EPHA6: variants seen among roughly 807,000 people sequenced by gnomAD.
The protein encoded by EPHA6 is ephrin type-A receptor 6.
A neutral mutation model predicts 112.0 loss-of-function variants in EPHA6; 50 were observed. The observed-to-expected ratio is 0.45, with a 90% confidence interval of 0.36 to 0.56. The LOEUF is 0.56. Ranked by LOEUF, EPHA6 falls within the 20% of genes least tolerant of loss-of-function variation. EPHA6 has a pLI of 0.00. For missense variants in EPHA6, 1,280 were observed against 1,417.4 expected (o/e 0.90, Z 1.56); for synonymous variants, 529 against 490.7 (o/e 1.08, Z -1.03).
intron 14 of EPHA6, among the ~76,000 whole-genome samples, chr3:97,701,580 C>T (rs1469018154): frequency 6.6e-6 from 1 of 151,556 alleles, no homozygotes; most frequent in Non-Finnish European, 1.5e-5. Context: ...GATAGTCTAA[C>T]ATATTTATCT....
chr3:96,829,949 G>GCGCGCGCGCGCGCACACACACA (rs373416797), intron 1 of EPHA6, among the ~76,000 whole-genome samples: 4 of 136,034 alleles, frequency 2.9e-5, no homozygotes, highest in African/African-American at 1.2e-4. Context: ...GCGCGCGCGC[G>GCGCGCGCGCGCGCACACACACA]CACACACACA....
intron 14 of EPHA6, among the ~76,000 whole-genome samples, chr3:97,708,749 A>C (rs929095944): frequency 1.3e-5 from 2 of 152,204 alleles, no homozygotes; most frequent in Non-Finnish European, 2.9e-5. Context: ...ACTGCTCTGT[A>C]CAGCCTGAGG....
intron 1 of EPHA6, among the ~76,000 whole-genome samples, chr3:96,825,414 A>T (rs2033583233): frequency 6.6e-6 from 1 of 151,878 alleles, no homozygotes; most frequent in Admixed American, 6.6e-5. Flanking sequence ...TGAACATAAA[A>T]TTGACAGTAC....
At chr3:97,620,667 C>T (rs1365500562) in intron 13 of EPHA6, among the ~76,000 whole-genome samples, 1 of 151,954 alleles carries the variant, frequency 6.6e-6, no homozygotes, top group African/African-American at 2.4e-5. Context: ...TGAAAAAACT[C>T]AGTATCACTG....
intron 6 of EPHA6, among the ~76,000 whole-genome samples, chr3:97,429,457 G>T (rs1216336675): frequency 1.1e-4 from 17 of 151,970 alleles, no homozygotes; most frequent in Admixed American, 1.1e-3. Context: ...TTTGAAGCAA[G>T]TACTCTAAGG....
chr3:97,670,539 G>A (rs1362571401), intron 14 of EPHA6, among the ~76,000 whole-genome samples: 1 of 152,116 alleles, frequency 6.6e-6, no homozygotes, highest in Admixed American at 6.5e-5. Flanking sequence ...TTATGCAATA[G>A]AACTAATGTT....
chr3:96,876,550 C>T (rs534520779), intron 2 of EPHA6, among the ~76,000 whole-genome samples: 1 of 152,046 alleles, frequency 6.6e-6, no homozygotes, highest in Admixed American at 6.6e-5. Context: ...ATGTCCATGT[C>T]ACTACTCTAC....
chr3:96,834,532 A>G (rs1298872359), intron 1 of EPHA6, among the ~76,000 whole-genome samples: 1 of 152,018 alleles, frequency 6.6e-6, no homozygotes, highest in Admixed American at 6.6e-5. Flanking sequence ...CTAAGGGTGG[A>G]TAGATAAAAG....
intron 10 of EPHA6, among the ~76,000 whole-genome samples, chr3:97,496,578 A>G (rs1479304108): frequency 6.6e-6 from 1 of 152,168 alleles, no homozygotes; most frequent in Non-Finnish European, 1.5e-5. Flanking sequence ...CCATACTTCT[A>G]TAAGAATATC....
intron 3 of EPHA6, among the ~76,000 whole-genome samples, chr3:97,098,994 T>A (rs2047327333): frequency 6.6e-6 from 1 of 151,896 alleles, no homozygotes; most frequent in South Asian, 2.1e-4. Context: ...CATGTAACAG[T>A]GTGGACAGAA....
Position 97,244,104 on chromosome 3 carries a change from G to A in EPHA6, c.1423G>A (p.Asp475Asn), listed in dbSNP as rs1468538725. ...TGGCTTAGACACCAGCCAGTGTGAG[G>A]ACTGTGGTGGAGGACTCCGCTTCAT... ...KCGLDTSQCE[D>N]CGGGLRFIPR... The change falls in exon 5 of 18, where the codon GAC becomes AAC. Residue 475 changes from aspartate (D) to asparagine (N), a missense_variant. This residue lies in a region of EPHA6 where 878 missense variants were observed against 999.7 expected (regional missense o/e 0.88). Transcript: ENST00000389672. 6.2e-7 allele frequency: 1 copy of A among 1,613,036 alleles called. No individual in the cohort carries two copies. Among genetic ancestry groups the A allele is most frequent in the South Asian group, 1.1e-5 (1 of 91,052 alleles).
chr3:96,917,011 T>C (rs2107617390), intron 2 of EPHA6, among the ~76,000 whole-genome samples: 1 of 152,284 alleles, frequency 6.6e-6, no homozygotes, highest in East Asian at 1.9e-4. Flanking sequence ...TAATTGCAGC[T>C]AAAGAATTTG....
At chr3:97,008,384 G>A (rs1170970691) in intron 3 of EPHA6, among the ~76,000 whole-genome samples, 4 of 151,962 alleles carry the variant, frequency 2.6e-5, no homozygotes, top group East Asian at 1.9e-4. Flanking sequence ...CCTTTCTTCC[G>A]CTGGGTCGAT....
intron 4 of EPHA6, among the ~76,000 whole-genome samples, chr3:97,239,038 AC>A (rs1559819692): frequency 6.6e-6 from 1 of 151,996 alleles, no homozygotes; most frequent in East Asian, 1.9e-4. Context: ...TTAATGCATA[AC>A]AAGTTTTGTT....
At chr3:96,941,417 A>G (rs2040937989) in intron 2 of EPHA6, among the ~76,000 whole-genome samples, 2 of 152,010 alleles carry the variant, frequency 1.3e-5, no homozygotes, top group African/African-American at 4.8e-5. Flanking sequence ...TGCATTCTTC[A>G]CGTAGTTCTC....
At chr3:96,911,733 T>G (rs1372574475) in intron 2 of EPHA6, among the ~76,000 whole-genome samples, 1 of 152,130 alleles carries the variant, frequency 6.6e-6, no homozygotes, top group African/African-American at 2.4e-5. Flanking sequence ...CTTTGTCATT[T>G]AAATTAATCT....
At chr3:97,563,221 C>T (rs1371491658) in intron 11 of EPHA6, among the ~76,000 whole-genome samples, 1 of 152,050 alleles carries the variant, frequency 6.6e-6, no homozygotes, top group Non-Finnish European at 1.5e-5. Context: ...AAGGTGAGGG[C>T]TGGAGACTAT....
chr3:96,895,823 T>C (rs1465084182), intron 2 of EPHA6, among the ~76,000 whole-genome samples: 1 of 152,184 alleles, frequency 6.6e-6, no homozygotes, highest in Non-Finnish European at 1.5e-5. Flanking sequence ...TACATGTCCA[T>C]CTTTCCTCCG....
chr3:97,026,796 G>A (rs372084579), intron 3 of EPHA6, among the ~76,000 whole-genome samples: 8 of 152,094 alleles, frequency 5.3e-5, no homozygotes, highest in African/African-American at 1.9e-4. Context: ...AGATGCTAGC[G>A]AGGTTGTGGA....
Sources: gnomAD v4.1 joint callset for allele counts (sites outside exome capture counted in the v4.1 genomes callset) on GRCh38, gnomAD v4.1.1 for gene constraint, gnomAD v4.1.1 regional missense constraint, MANE v1.5 for transcripts, NCBI Gene and HGNC (gene_info 2026-07-23, HGNC 2026-07-21) for gene names.